Variants in HVCN1 observed in about 807,000 individuals in gnomAD.
The protein encoded by HVCN1 is voltage-gated hydrogen channel 1.
In HVCN1, 14 loss-of-function variants were observed where a neutral mutation model predicts 29.2. That is an observed-to-expected ratio of 0.48 (90% CI 0.32 to 0.75). HVCN1 has a LOEUF of 0.75. Among genes scored for constraint, HVCN1 ranks in the 30% least tolerant of loss-of-function variants. The pLI is 0.04. For synonymous variants in HVCN1, 131 were observed against 133.2 expected (o/e 0.98, Z 0.11); for missense variants, 263 against 341.8 (o/e 0.77, Z 1.82).
At chr12:110,660,386 C>A (rs2068128690) in intron 4 of HVCN1, among the ~76,000 whole-genome samples, 1 of 152,220 alleles carries the variant, frequency 6.6e-6, no homozygotes, top group Non-Finnish European at 1.5e-5. Flanking sequence ...AGACTATCAG[C>A]AGTGGGCTAA....
chr12:110,665,467 A>T (rs1162255446), intron 3 of HVCN1, among the ~76,000 whole-genome samples: 1 of 151,910 alleles, frequency 6.6e-6, no homozygotes, highest in Non-Finnish European at 1.5e-5. Flanking sequence ...GAGGCAAGAG[A>T]ATTGCTCGAA....
chr12:110,665,373 C>G (rs1278646499), intron 3 of HVCN1, among the ~76,000 whole-genome samples: 1 of 150,240 alleles, frequency 6.7e-6, no homozygotes, highest in East Asian at 2.0e-4. Context: ...GCCTGACCAA[C>G]ATGGAGAAAC....
chr12:110,681,663 T>C (rs1317473125), intron 3 of HVCN1, among the ~76,000 whole-genome samples: 1 of 151,998 alleles, frequency 6.6e-6, no homozygotes, highest in Non-Finnish European at 1.5e-5. Context: ...ACAATCACCA[T>C]CATCATCATC....
chr12:110,648,708 A>G lies in HVCN1; in HGVS notation c.*702T>C, dbSNP rs2067585485. 1 of 241,476 alleles carries G rather than the reference A, an allele frequency of 4.1e-6. No homozygotes were observed. Among genetic ancestry groups the G allele is most frequent in the Non-Finnish European group, 8.0e-6 (1 of 124,292 alleles). 15.0% of individuals were successfully genotyped at this position (241,476 alleles called of 1,614,324 possible). ...TCTAATTGCCATTTCTGCACCAGGC[A>G]CTGTAGCTAGCTTGCTCTCCGACTG... On this transcript the variant is annotated 3_prime_UTR_variant, in exon 8 of 8. Transcript: ENST00000242607.
At chr12:110,679,498 G>T (rs987382189) in intron 3 of HVCN1, among the ~76,000 whole-genome samples, 1 of 152,304 alleles carries the variant, frequency 6.6e-6, no homozygotes, top group African/African-American at 2.4e-5. Flanking sequence ...TTTTCCGCAC[G>T]CAATCTTGTT....
intron 3 of HVCN1, among the ~76,000 whole-genome samples, chr12:110,678,026 T>C (rs1593508031): frequency 6.6e-6 from 1 of 152,260 alleles, no homozygotes; most frequent in Admixed American, 6.5e-5. Flanking sequence ...GAATACCTGC[T>C]ATTTAATATT....
chr12:110,657,609 T>C (rs543022171), intron 4 of HVCN1, among the ~76,000 whole-genome samples: 8 of 151,844 alleles, frequency 5.3e-5, no homozygotes, highest in Admixed American at 2.6e-4. Flanking sequence ...TACTTAAAAA[T>C]GATTGTTATG....
chr12:110,694,091 C>A (rs779659761), upstream of HVCN1, among the ~76,000 whole-genome samples: 4 of 152,148 alleles, frequency 2.6e-5, no homozygotes, highest in African/African-American at 4.8e-5. The surrounding 1 kb of genome is among the most constrained non-coding windows in gnomAD (Gnocchi z 4.6). Flanking sequence ...GGGATGGGGT[C>A]TTGCTCTGTC....
rs368505208 is a variant in HVCN1, at chr12:110,658,681, G to T, written c.306+2483C>A. 6.6e-6 allele frequency among the ~76,000 whole-genome samples: 1 copy of T among 151,724 alleles called. No individual in the cohort carries two copies. Among genetic ancestry groups the T allele is most frequent in the Non-Finnish European group, 1.5e-5 (1 of 67,942 alleles). ...CTCTCAGAGCCCCCCTCCTCCCTGC[G>T]GAGGGCTTCTCTCCATTTGTAACCA... On this transcript the variant is annotated intron_variant, in intron 4 of 7. Coordinates refer to ENST00000242607, the MANE Select transcript of HVCN1 (RefSeq NM_032369.4). This position sits in a 1 kb window ranked among gnomAD's most constrained non-coding sequence, Gnocchi z 5.0.
At chr12:110,667,578 T>C (rs977508300) in intron 3 of HVCN1, among the ~76,000 whole-genome samples, 4 of 152,058 alleles carry the variant, frequency 2.6e-5, no homozygotes, top group Non-Finnish European at 1.5e-5. Flanking sequence ...TATAGGCACA[T>C]ACCATCACGC....
chr12:110,702,121 C>T lies in HVCN1; in HGVS notation c.-104+188G>A, dbSNP rs117739033. On this transcript the variant is annotated intron_variant, in intron 2 of 4. Transcript: ENST00000546713. ...AACTTGGTCTAACACATCACAGGCA[C>T]ACATATATGCTTGTAAATACAAAGT... is the stretch of plus-strand genomic sequence containing the variant. 4.0e-5 allele frequency among the ~76,000 whole-genome samples: 6 copies of T among 151,584 alleles called. No homozygotes were observed. The East Asian group carries it at 1.2e-3, about 30-fold the overall frequency.
At chr12:110,685,290 G>A (rs1216309085) in intron 2 of HVCN1, among the ~76,000 whole-genome samples, 1 of 152,136 alleles carries the variant, frequency 6.6e-6, no homozygotes, top group Non-Finnish European at 1.5e-5. Context: ...TCAATCCAAG[G>A]CATGTGGGCC....
At chr12:110,672,647 C>A (rs918216867) in intron 3 of HVCN1, among the ~76,000 whole-genome samples, 1 of 152,102 alleles carries the variant, frequency 6.6e-6, no homozygotes, top group Non-Finnish European at 1.5e-5. Flanking sequence ...GTGTCCCCAC[C>A]CAAATCTCAA....
intron 5 of HVCN1, among the ~76,000 whole-genome samples, chr12:110,654,636 G>GC (rs1350250889): frequency 6.6e-6 from 1 of 151,812 alleles, no homozygotes; most frequent in East Asian, 1.9e-4. Flanking sequence ...ATGCCACCAC[G>GC]CCCAGCTACT....
chr12:110,649,380 GTCT>G lies in HVCN1; in HGVS notation c.*27_*29del. ...TGACAGCACAGGCCCATGAGACAGT[GTCT>G]TCTTTTTGAGGGGAGCTGGTCCGGG... On this transcript the variant is annotated 3_prime_UTR_variant, in exon 8 of 8. Coordinates refer to ENST00000242607, the MANE Select transcript of HVCN1 (RefSeq NM_032369.4). The G allele has an allele frequency of 1.9e-6, 3 of 1,576,288 alleles. No individual in the cohort carries two copies. The highest frequency in any genetic ancestry group is 1.7e-6 in the Non-Finnish European group (2 of 1,148,600).
At chr12:110,654,334 G>C (rs1343131934) in intron 5 of HVCN1, among the ~76,000 whole-genome samples, 3 of 152,076 alleles carry the variant, frequency 2.0e-5, no homozygotes, top group Non-Finnish European at 2.9e-5. Flanking sequence ...TCACAGGGCT[G>C]CCTCTGGGAA....
upstream of HVCN1, among the ~76,000 whole-genome samples, chr12:110,694,508 G>C (rs769804117): frequency 6.6e-6 from 1 of 152,208 alleles, no homozygotes; most frequent in African/African-American, 2.4e-5. The surrounding 1 kb of genome is among the most constrained non-coding windows in gnomAD (Gnocchi z 4.6). Flanking sequence ...GCTGGTTTTG[G>C]TTCCTCCAAG....
intron 1 of HVCN1, among the ~76,000 whole-genome samples, chr12:110,703,427 T>C (rs888904585): frequency 2.0e-5 from 3 of 151,486 alleles, no homozygotes; most frequent in African/African-American, 7.3e-5. Context: ...TAAAAAAAAT[T>C]TAAAAAATCA....
chr12:110,698,384 T>C (rs1300608413), intron 2 of HVCN1, among the ~76,000 whole-genome samples: 1 of 152,186 alleles, frequency 6.6e-6, no homozygotes, highest in Non-Finnish European at 1.5e-5. Flanking sequence ...CTCACTTTAG[T>C]GAGCAGAGCC....
Sources: gnomAD v4.1 joint callset for allele counts (sites outside exome capture counted in the v4.1 genomes callset) on GRCh38, gnomAD v4.1.1 for gene constraint, Gnocchi (gnomAD v3.1) non-coding constraint, MANE v1.5 for transcripts, NCBI Gene and HGNC (gene_info 2026-07-23, HGNC 2026-07-21) for gene names.